PEX5L: variants seen among roughly 807,000 people sequenced by gnomAD.
The protein encoded by PEX5L is PEX5-related protein.
In PEX5L, 30 loss-of-function variants were observed where a neutral mutation model predicts 84.0. The ratio of observed to expected loss-of-function variants is 0.36; its 90% CI spans 0.27 to 0.48. The LOEUF (loss-of-function observed/expected upper bound fraction) is 0.48, where lower values mean the gene tolerates loss of function less well. PEX5L is among the 20% of genes least tolerant of loss of function. The pLI is 0.99. For synonymous variants in PEX5L, 270 were observed against 283.1 expected (o/e 0.95, Z 0.46); for missense variants, 533 against 754.6 (o/e 0.71, Z 3.44).
Position 179,848,146 on chromosome 3 carries a change from C to T in PEX5L, c.822+10916G>A, listed in dbSNP as rs888365177. Among the ~76,000 whole-genome samples the T allele has an allele frequency of 2.6e-5, 4 of 152,182 alleles. No homozygotes were observed. In the South Asian group the frequency reaches 8.3e-4, roughly 32 times the overall value. On this transcript the variant is annotated intron_variant, in intron 8 of 14. Coordinates refer to ENST00000467460, the MANE Select transcript of PEX5L (RefSeq NM_016559.3). ...CAACGAGTAACAGTATTCAATGCTA[C>T]AGAAAATTTTATAGAATACTGATGA...
intron 1 of PEX5L, among the ~76,000 whole-genome samples, chr3:180,030,963 T>C (rs537150928): frequency 1.7e-4 from 26 of 151,854 alleles, no homozygotes; most frequent in Non-Finnish European, 3.1e-4. Context: ...AGCCTCTTCC[T>C]ATCTAAATGA....
chr3:179,909,742 C>T (rs913987965), intron 2 of PEX5L, among the ~76,000 whole-genome samples: 1 of 152,062 alleles, frequency 6.6e-6, no homozygotes. Context: ...TGGAGTGGGT[C>T]CTAATCCAAT....
chr3:179,818,843 CTTTTCT>C (rs201869506), intron 9 of PEX5L, among the ~76,000 whole-genome samples: 21,402 of 148,224 alleles, frequency 0.14, 1,561 homozygotes, highest in South Asian at 0.18. Context: ...ATTTTCTTTT[CTTTTCT>C]TTTTTTTTTT....
rs1553807980 is a variant in PEX5L, at chr3:179,797,605, A to AAAATAT, written c.*4222_*4223insATATTT. 6 of 89,162 alleles carry AAAATAT rather than the reference A, an allele frequency of 6.7e-5. No homozygotes were observed. Among genetic ancestry groups the AAAATAT allele is most frequent in the South Asian group, 7.9e-4 (2 of 2,516 alleles). The allele number at this position is 89,162 out of a possible 1,614,324, so 5.5% of individuals were successfully genotyped here. A position where few individuals can be genotyped will look rare whatever the true frequency, so the allele number is the denominator to read the frequency against. On this transcript the variant is annotated 3_prime_UTR_variant, in exon 15 of 15. Transcript: ENST00000467460. ...AACACTCTTTAAAAAAAAAAAAAAA[A>AAAATAT]ATATATATATATATATATATATATA...
intron 1 of PEX5L, among the ~76,000 whole-genome samples, chr3:180,001,266 A>G (rs973946695): frequency 5.3e-5 from 8 of 151,380 alleles, no homozygotes; most frequent in African/African-American, 1.9e-4. Flanking sequence ...GCAGATGGCC[A>G]ATTGTGGGAC....
At chr3:179,983,059 CCTTA>C (rs1193983480) in intron 1 of PEX5L, among the ~76,000 whole-genome samples, 4 of 151,738 alleles carry the variant, frequency 2.6e-5, no homozygotes, top group Non-Finnish European at 5.9e-5. Flanking sequence ...TCTTAATCTC[CCTTA>C]CTGTTTCTTG....
intron 8 of PEX5L, among the ~76,000 whole-genome samples, chr3:179,841,844 A>G (rs369617986): frequency 2.0e-5 from 3 of 152,334 alleles, no homozygotes; most frequent in African/African-American, 7.2e-5. Context: ...TGTGTCACCT[A>G]CATATTTCAT....
intron 8 of PEX5L, among the ~76,000 whole-genome samples, chr3:179,848,009 G>A (rs1295971926): frequency 6.6e-6 from 1 of 151,184 alleles, no homozygotes; most frequent in Non-Finnish European, 1.5e-5. Flanking sequence ...TAAGCAGATA[G>A]CTGACTTGAA....
intron 8 of PEX5L, among the ~76,000 whole-genome samples, chr3:179,843,954 G>T (rs1738259957): frequency 6.6e-6 from 1 of 152,142 alleles, no homozygotes. Flanking sequence ...GAGTAATGAG[G>T]CAGAGACCAG....
At chr3:179,840,674 A>G (rs1736907308) in intron 8 of PEX5L, among the ~76,000 whole-genome samples, 1 of 151,840 alleles carries the variant, frequency 6.6e-6, no homozygotes, top group African/African-American at 2.4e-5. Flanking sequence ...AGCAGGGGGG[A>G]TGATAGAGGT....
rs548616978 is a variant in PEX5L at position 179,987,407 on chromosome 3, C to T, written c.22-15742G>A. Among the ~76,000 whole-genome samples, 7 of 152,240 alleles carry T rather than the reference C, an allele frequency of 4.6e-5. No individual in the cohort carries two copies. The South Asian group carries it at 1.5e-3, about 32-fold the overall frequency. On this transcript the variant is annotated intron_variant, in intron 1 of 14. Transcript: ENST00000467460. Reference sequence around the variant, plus strand: ...AGTTAGAAAAACGCACTAAAGATGGCTCAGAAACTCAATATTGAAGTTTTG... The same window carrying T: ...AGTTAGAAAAACGCACTAAAGATGGTTCAGAAACTCAATATTGAAGTTTTG...
chr3:179,972,454 T>A (rs1209810370), intron 1 of PEX5L, among the ~76,000 whole-genome samples: 1 of 152,042 alleles, frequency 6.6e-6, no homozygotes, highest in Non-Finnish European at 1.5e-5. Context: ...AGCCTTTTTT[T>A]CTCCCAACGC....
intron 2 of PEX5L, chr3:179,921,607 G>A (rs1395504197): frequency 6.6e-6 from 1 of 152,102 alleles, no homozygotes; most frequent in African/African-American, 2.4e-5. Flanking sequence ...AGAGACATAC[G>A]TTATCTAAGA....
chr3:179,897,634 C>T (rs1176893154), intron 3 of PEX5L, among the ~76,000 whole-genome samples: 2 of 152,094 alleles, frequency 1.3e-5, no homozygotes, highest in African/African-American at 2.4e-5. Flanking sequence ...TGGCTCATTC[C>T]TGTAAATTAG....
At chr3:179,936,635 C>G (rs1774708491) in intron 2 of PEX5L, among the ~76,000 whole-genome samples, 1 of 40,178 alleles carries the variant, frequency 2.5e-5, no homozygotes, top group Non-Finnish European at 5.7e-5. Flanking sequence ...AAAATGAGGC[C>G]TTTGCTAGAA....
chr3:180,001,556 T>C (rs761322373), intron 1 of PEX5L, among the ~76,000 whole-genome samples: 27 of 151,972 alleles, frequency 1.8e-4, no homozygotes, highest in Non-Finnish European at 3.7e-4. Context: ...TAGCTAAACC[T>C]ATGTACACAT....
chr3:179,957,841 T>C (rs1032787796), intron 2 of PEX5L, among the ~76,000 whole-genome samples: 18 of 152,214 alleles, frequency 1.2e-4, no homozygotes, highest in African/African-American at 4.3e-4. Flanking sequence ...TTGGTTATAT[T>C]ACAGGGCCAT....
rs1577117607 is a variant in PEX5L at position 179,807,606 on chromosome 3, A to G, written c.1676+68T>C. 3.4e-6 allele frequency: 5 copies of G among 1,472,108 alleles called. No individual in the cohort carries two copies. In the African/African-American group the frequency reaches 7.0e-5, roughly 21 times the overall value. The allele number at this position is 1,472,108 out of a possible 1,614,324, so 91.2% of individuals were successfully genotyped here. A position where few individuals can be genotyped will look rare whatever the true frequency, so the allele number is the denominator to read the frequency against. ...AAGGCAGGCATTTTTACTTGGAAAC[A>G]ACCTTTCAGATTATTCGACCTCAGT... On this transcript the variant is annotated intron_variant, in intron 14 of 14. Coordinates refer to ENST00000467460, the MANE Select transcript of PEX5L (RefSeq NM_016559.3).
Position 180,036,914 on chromosome 3 carries a change from T to C in PEX5L, c.-315A>G, listed in dbSNP as rs1269364770. 4.9e-6 allele frequency: 2 copies of C among 408,112 alleles called. No individual in the cohort carries two copies. The highest frequency in any genetic ancestry group is 4.0e-5 in the African/African-American group (2 of 50,064). The allele number at this position is 408,112 out of a possible 1,614,324, so 25.3% of individuals were successfully genotyped here. A position where few individuals can be genotyped will look rare whatever the true frequency, so the allele number is the denominator to read the frequency against. On this transcript the variant is annotated 5_prime_UTR_variant, in exon 1 of 15. Transcript: ENST00000467460. The stretch of plus-strand genomic sequence containing the variant: ...GGCGTCTCTAGAACTCACTCCTTCT[T>C]CGCCGAACTCTTTCTCGCTTCCTGC...
Sources: allele counts gnomAD v4.1 joint callset (sites outside exome capture counted in the v4.1 genomes callset), GRCh38; gene constraint gnomAD v4.1.1; transcripts MANE v1.5; gene names NCBI Gene and HGNC (gene_info 2026-07-23, HGNC 2026-07-21).